Variants in FGF14 observed in about 807,000 individuals in gnomAD.
FGF14 encodes fibroblast growth factor 14.
Under a neutral mutation model 25.5 loss-of-function variants are expected in FGF14, and 5 were observed. The observed-to-expected ratio is 0.20, with a 90% CI of 0.10 to 0.41. FGF14 has a LOEUF of 0.41. FGF14 is among the 10% of genes least tolerant of loss of function. FGF14 has a pLI of 1.00. For synonymous variants in FGF14, 138 were observed against 118.3 expected, an observed-to-expected ratio of 1.17 and a Z score of -1.08; for missense variants, 222 against 320.1, an observed-to-expected ratio of 0.69 and a Z score of 2.34.
rs368918028 is a variant in FGF14, at chr13:102,364,128, C to T, written c.208+37343G>A. Among the ~76,000 whole-genome samples the T allele has an allele frequency of 1.1e-4, 16 of 152,330 alleles. No homozygotes were observed. The South Asian group carries it at 2.9e-3, about 28-fold the overall frequency. ...TATTATAAGGAAGATGCCGTAAGTG[C>T]CACTGGATTTTACACTAAACTTTTT... On this transcript the variant is annotated intron_variant, in intron 1 of 4. Transcript: ENST00000376131.
intron 1 of FGF14, among the ~76,000 whole-genome samples, chr13:102,261,079 A>G (rs1408456976): frequency 6.6e-6 from 1 of 152,226 alleles, no homozygotes; most frequent in Admixed American, 6.5e-5. Flanking sequence ...GAACAGATTC[A>G]TGTCATTTTA....
At chr13:102,215,453 ATGTT>A (rs1182380019) in intron 1 of FGF14, among the ~76,000 whole-genome samples, 2 of 152,180 alleles carry the variant, frequency 1.3e-5, no homozygotes, top group African/African-American at 4.8e-5. Context: ...AATCTGACAT[ATGTT>A]TCAGGCAAAT....
intron 3 of FGF14, among the ~76,000 whole-genome samples, chr13:101,779,755 G>A (rs747691805): frequency 2.6e-5 from 4 of 152,046 alleles, no homozygotes; most frequent in Non-Finnish European, 4.4e-5. Context: ...AAGGTAATTT[G>A]ACATTTTTAA....
chr13:101,837,690 T>C (rs370514302), intron 3 of FGF14, among the ~76,000 whole-genome samples: 118 of 152,242 alleles, frequency 7.8e-4, no homozygotes, highest in African/African-American at 2.7e-3. Flanking sequence ...CAAACTTCCT[T>C]AAAATAATCT....
intron 1 of FGF14, among the ~76,000 whole-genome samples, chr13:102,198,004 C>G (rs2049440193): frequency 6.6e-6 from 1 of 152,162 alleles, no homozygotes; most frequent in African/African-American, 2.4e-5. Context: ...TCTTTTTTCA[C>G]TCTCTAGCCA....
chr13:102,401,402 G>A, intron 1 of FGF14: 2 of 1,449,138 alleles, frequency 1.4e-6, no homozygotes, highest in Admixed American at 3.3e-5. Flanking sequence ...CAGAACTGCA[G>A]ATCTAGCTCG....
At chr13:102,366,349 G>A (rs2057711999) in intron 1 of FGF14, 1 of 152,112 alleles carries the variant, frequency 6.6e-6, no homozygotes, top group South Asian at 2.1e-4. Context: ...TGTCGTACCA[G>A]TACCAGTGGT....
At chr13:102,028,020 T>C (rs1432123037) in intron 1 of FGF14, among the ~76,000 whole-genome samples, 1 of 152,014 alleles carries the variant, frequency 6.6e-6, no homozygotes, top group African/African-American at 2.4e-5. Flanking sequence ...TGGTGTCCTT[T>C]CACTCCACTC....
intron 1 of FGF14, among the ~76,000 whole-genome samples, chr13:102,164,811 G>C (rs1373140083): frequency 6.6e-6 from 1 of 152,092 alleles, no homozygotes; most frequent in Non-Finnish European, 1.5e-5. Context: ...GGACAGTGCT[G>C]GTCTAGGAAA....
intron 3 of FGF14, among the ~76,000 whole-genome samples, chr13:101,823,832 A>G (rs2042276511): frequency 1.3e-5 from 2 of 149,558 alleles, no homozygotes; most frequent in South Asian, 4.2e-4. Context: ...TTTTATATAT[A>G]TAAAATAGTA....
intron 1 of FGF14, among the ~76,000 whole-genome samples, chr13:101,911,143 G>T (rs922939368): frequency 2.0e-5 from 3 of 152,048 alleles, no homozygotes; most frequent in African/African-American, 7.2e-5. Flanking sequence ...ACACCAAAGA[G>T]AAGGGAGGTT....
At chr13:101,803,466 T>C (rs2041017350) in intron 3 of FGF14, among the ~76,000 whole-genome samples, 1 of 152,128 alleles carries the variant, frequency 6.6e-6, no homozygotes, top group African/African-American at 2.4e-5. Context: ...GAACTGTTCA[T>C]TGTCAGCAAA....
chr13:102,146,352 G>A (rs2046853819), intron 1 of FGF14, among the ~76,000 whole-genome samples: 1 of 152,260 alleles, frequency 6.6e-6, no homozygotes, highest in African/African-American at 2.4e-5. Flanking sequence ...TTCATTTTAA[G>A]GTAAGCATTA....
chr13:101,837,459 C>T (rs2042980689), intron 3 of FGF14, among the ~76,000 whole-genome samples: 1 of 152,056 alleles, frequency 6.6e-6, no homozygotes, highest in Admixed American at 6.6e-5. Context: ...GTGTGGAAAA[C>T]CTTACAATCA....
intron 3 of FGF14, among the ~76,000 whole-genome samples, chr13:101,841,447 T>C (rs1230453252): frequency 1.3e-5 from 2 of 152,016 alleles, no homozygotes; most frequent in East Asian, 1.9e-4. Context: ...CTAAGTTAAA[T>C]TGTAGCAATA....
At chr13:101,787,586 C>A (rs533721671) in intron 3 of FGF14, among the ~76,000 whole-genome samples, 32 of 152,280 alleles carry the variant, frequency 2.1e-4, no homozygotes, top group Admixed American at 2.0e-3. Flanking sequence ...AGGAGAAACT[C>A]CCTGTGCTTT....
intron 1 of FGF14, among the ~76,000 whole-genome samples, chr13:102,288,422 A>G (rs1368553009): frequency 6.6e-6 from 1 of 151,876 alleles, no homozygotes; most frequent in Non-Finnish European, 1.5e-5. Flanking sequence ...AAGTACTTTG[A>G]CTCTCTCAGA....
intron 3 of FGF14, among the ~76,000 whole-genome samples, chr13:101,756,318 A>C (rs553716907): frequency 1.1e-3 from 175 of 152,368 alleles, no homozygotes; most frequent in African/African-American, 4.0e-3. Flanking sequence ...GTAGAGGTAG[A>C]TAAAAATGAA....
chr13:101,913,792 A>T (rs2033194480), intron 1 of FGF14, among the ~76,000 whole-genome samples: 1 of 152,036 alleles, frequency 6.6e-6, no homozygotes, highest in Admixed American at 6.6e-5. Context: ...TTATCTAATT[A>T]GATCCCTCTC....
Sources: gnomAD v4.1 joint callset for allele counts (sites outside exome capture counted in the v4.1 genomes callset) on GRCh38, gnomAD v4.1.1 for gene constraint, MANE v1.5 for transcripts, NCBI Gene and HGNC (gene_info 2026-07-23, HGNC 2026-07-21) for gene names.